The following KLF8 variants were observed in gnomAD, a reference collection of about 807,000 sequenced individuals.
KLF8 encodes the protein KLF transcription factor 8.
In KLF8, 10 loss-of-function variants were observed where a neutral mutation model predicts 18.2. The observed-to-expected ratio is 0.55, with a 90% CI of 0.34 to 0.93. The LOEUF (loss-of-function observed/expected upper bound fraction) is 0.93, where lower values mean the gene tolerates loss of function less well. Among genes scored for constraint, KLF8 ranks in the 40% least tolerant of loss-of-function variants. KLF8 has a pLI of 0.02. For missense variants in KLF8, 264 were observed against 277.9 expected (o/e 0.95, Z 0.36); for synonymous variants, 109 against 97.3 (o/e 1.12, Z -0.71).
At chrX:56,247,864 A>G (rs1210274203) in intron 1 of KLF8, among the ~76,000 whole-genome samples, 4 of 111,653 alleles carry the variant, frequency 3.6e-5, no homozygotes, top group Non-Finnish European at 5.6e-5. Flanking sequence ...ACACTCTAAA[A>G]TGATGATAGA....
the KLF8 span, among the ~76,000 whole-genome samples, chrX:55,952,057 T>A: frequency 8.9e-6 from 1 of 112,165 alleles, no homozygotes; most frequent in Non-Finnish European, 1.9e-5. Flanking sequence ...CCTGCTATAA[T>A]TTGGTAAGCT....
chrX:56,061,060 T>A, the KLF8 span, among the ~76,000 whole-genome samples: 1 of 111,637 alleles, frequency 9.0e-6, no homozygotes, highest in Non-Finnish European at 1.9e-5. Flanking sequence ...TCTCTTTTCT[T>A]CTTTATTAGT....
the KLF8 span, among the ~76,000 whole-genome samples, chrX:56,146,723 A>AAG: frequency 9.3e-6 from 1 of 107,579 alleles, no homozygotes; most frequent in Non-Finnish European, 1.9e-5. Context: ...AAAAAAAAAA[A>AAG]AAGAAGAAGA....
At chrX:56,078,414 C>G in the KLF8 span, among the ~76,000 whole-genome samples, 1 of 112,179 alleles carries the variant, frequency 8.9e-6, no homozygotes, top group Non-Finnish European at 1.9e-5. Flanking sequence ...TGGTTTTTGT[C>G]TCTGGTTCTG....
chrX:56,071,443 A>T, the KLF8 span, among the ~76,000 whole-genome samples: 1 of 111,621 alleles, frequency 9.0e-6, no homozygotes, highest in Non-Finnish European at 1.9e-5. Context: ...GTGTTCTAGG[A>T]GGTATCAAAA....
chrX:56,282,467 C>T (rs780325860), intron 5 of KLF8, among the ~76,000 whole-genome samples: 1 of 111,982 alleles, frequency 8.9e-6, no homozygotes, highest in South Asian at 3.7e-4. Context: ...GAAATGTTTG[C>T]CTTGATATAG....
At chrX:55,973,504 GA>G in the KLF8 span, among the ~76,000 whole-genome samples, 1 of 110,762 alleles carries the variant, frequency 9.0e-6, no homozygotes, top group Non-Finnish European at 1.9e-5. Flanking sequence ...AAATTAACAA[GA>G]AAAAACAACC....
the KLF8 span, among the ~76,000 whole-genome samples, chrX:56,103,143 A>C: frequency 4.6e-3 from 503 of 109,943 alleles, 2 homozygotes; most frequent in Non-Finnish European, 7.4e-3. Context: ...GTCAGGTAGC[A>C]TGATGCCTCC....
At chrX:56,205,734 T>C in the KLF8 span, among the ~76,000 whole-genome samples, 341 of 111,988 alleles carry the variant, frequency 3.0e-3, no homozygotes, top group African/African-American at 0.01. Context: ...GGATTGGTGT[T>C]AGATCTTCTT....
chrX:56,138,303 C>G, the KLF8 span, among the ~76,000 whole-genome samples: 1 of 111,497 alleles, frequency 9.0e-6, no homozygotes, highest in Non-Finnish European at 1.9e-5. Context: ...GGACTCCTCC[C>G]TAACTCATTT....
the KLF8 span, among the ~76,000 whole-genome samples, chrX:55,958,661 G>A: frequency 8.9e-6 from 1 of 112,370 alleles, no homozygotes; most frequent in Non-Finnish European, 1.9e-5. Flanking sequence ...GAAATGGAAT[G>A]ACTAAAAATT....
chrX:56,153,167 G>A, the KLF8 span, among the ~76,000 whole-genome samples: 1 of 110,780 alleles, frequency 9.0e-6, no homozygotes, highest in Admixed American at 9.7e-5. Context: ...ATATTTTTAT[G>A]AAAAATATTG....
chrX:56,091,376 T>C, the KLF8 span, among the ~76,000 whole-genome samples: 3 of 111,601 alleles, frequency 2.7e-5, no homozygotes, highest in Admixed American at 1.9e-4. Context: ...CGTGTGGAAC[T>C]GTGAGTCAAT....
At chrX:55,939,642 G>A in the KLF8 span, among the ~76,000 whole-genome samples, 1 of 111,095 alleles carries the variant, frequency 9.0e-6, no homozygotes, top group African/African-American at 3.3e-5. Context: ...GAGTAATAAA[G>A]AAGAAAAGAG....
chrX:55,942,629 G>C, the KLF8 span, among the ~76,000 whole-genome samples: 5 of 111,826 alleles, frequency 4.5e-5, no homozygotes, highest in East Asian at 1.1e-3. Flanking sequence ...AAGGGTGAGC[G>C]ACTAGAACGT....
the KLF8 span, among the ~76,000 whole-genome samples, chrX:56,048,367 C>G: frequency 9.0e-6 from 1 of 111,306 alleles, no homozygotes; most frequent in Admixed American, 9.5e-5. Context: ...AATGGTATTG[C>G]CTCAGTTTTC....
the KLF8 span, among the ~76,000 whole-genome samples, chrX:56,037,095 G>A: frequency 9.3e-6 from 1 of 108,028 alleles, no homozygotes; most frequent in Non-Finnish European, 1.9e-5. Context: ...CATGCCATTT[G>A]CAAACATGTA....
chrX:56,163,406 C>A, the KLF8 span, among the ~76,000 whole-genome samples: 3 of 111,642 alleles, frequency 2.7e-5, no homozygotes, highest in South Asian at 1.1e-3. Flanking sequence ...TTGAAAAGTG[C>A]CTTTTTATGC....
At chrX:56,047,727 C>T in the KLF8 span, among the ~76,000 whole-genome samples, 23 of 111,253 alleles carry the variant, frequency 2.1e-4, no homozygotes, top group South Asian at 1.1e-3. Flanking sequence ...AGTAAACATA[C>T]GTGTGAATGT....
Sources: allele counts gnomAD v4.1 joint callset (sites outside exome capture counted in the v4.1 genomes callset), GRCh38; gene constraint gnomAD v4.1.1; transcripts MANE v1.5; gene names NCBI Gene and HGNC (gene_info 2026-07-23, HGNC 2026-07-21).